Variants in ZNF671 observed in about 807,000 individuals in gnomAD.
ZNF671 encodes hypothetical protein FLJ23506.
ZNF671 carries 19 observed loss-of-function variants against 16.6 expected under a neutral mutation model. The observed-to-expected ratio is 1.14, with a 90% CI of 0.80 to 1.68. The LOEUF is 1.68. Among genes scored for constraint, ZNF671 ranks in the 40% most tolerant of loss-of-function variants. The probability of loss-of-function intolerance (pLI) is 0.00; values close to 1 mark genes in which losing one functional copy is unlikely to be tolerated. For synonymous variants in ZNF671, 238 were observed against 236.3 expected, an observed-to-expected ratio of 1.01 and a Z score of -0.06; for missense variants, 637 against 659.8, an observed-to-expected ratio of 0.97 and a Z score of 0.38.
Position 57,721,440 on chromosome 19 carries a change from C to G in ZNF671, c.646G>C (p.Gly216Arg), listed in dbSNP as rs2122456036. 1 of 1,614,196 alleles carries G rather than the reference C, an allele frequency of 6.2e-7. No homozygotes were observed. Among genetic ancestry groups the G allele is most frequent in the East Asian group, 2.2e-5 (1 of 44,882 alleles). ...TCCTTCCTTGGGAAAAGTTTCCCTC[C>G]ATTGGGCTGGTTCTGGTGCTGGTCA... is the stretch of plus-strand genomic sequence containing the variant. ...DFDQHQNQPN[G>R]GKLFPRKEGR... Residue 216 changes from glycine (G) to arginine (R), a missense_variant, in exon 4 of 4, where the codon GGA becomes CGA. Gly to Arg is a moderately radical substitution (Grantham distance 125, BLOSUM62 -2). Transcript: ENST00000317398.
chr19:57,721,358 C>T lies in ZNF671; in HGVS notation c.728G>A (p.Cys243Tyr), dbSNP rs566693292. 1.9e-5 allele frequency: 31 copies of T among 1,612,730 alleles called. No homozygotes were observed. The South Asian group carries it at 2.5e-4, about 13-fold the overall frequency. Residue 243 changes from cysteine (C) to tyrosine (Y), a missense_variant, in exon 4 of 4, where the codon TGT becomes TAT. Physicochemically the swap from Cys to Tyr is radical, Grantham distance 194 (BLOSUM62 -2). Coordinates refer to ENST00000317398, the MANE Select transcript of ZNF671 (RefSeq NM_024833.3). ...RVHVPEKTLT[C>Y]GKGRRDFSAT... Reference sequence around the variant, plus strand: ...TGAAAAGTCTCTCCTACCTTTCCCACATGTGAGGGTCTTCTCTGGCACATG... The same window carrying T: ...TGAAAAGTCTCTCCTACCTTTCCCATATGTGAGGGTCTTCTCTGGCACATG...
In ZNF671 at chr19:57,721,024, G is replaced by A. The variant is rs377518791; in HGVS notation, c.1062C>T (p.Ser354=). Residue 354 remains serine (S), a synonymous_variant, in exon 4 of 4, where the codon TCC becomes TCT. Transcript: ENST00000317398. The stretch of plus-strand genomic sequence containing the variant: ...GAACTCGCCTGTGCTCAATCAGGCC[G>A]GAGATTTGTCTAAAGAATTTCCCAC... The part of the protein sequence containing the change: ...SECGKFFRQI[S]GLIEHRRVHT... 4.3e-4 allele frequency: 691 copies of A among 1,614,120 alleles called. 1 individual carries two copies. The highest frequency in any genetic ancestry group is 4.8e-4 in the Non-Finnish European group (566 of 1,179,998).
chr19:57,725,584 C>T (rs985149257), intron 1 of ZNF671, among the ~76,000 whole-genome samples: 9 of 151,500 alleles, frequency 5.9e-5, no homozygotes, highest in South Asian at 2.1e-4. Context: ...GCCGAGATCG[C>T]GCCACTGCAC....
At chr19:57,724,849 TC>T (rs1226174385) in intron 1 of ZNF671, among the ~76,000 whole-genome samples, 1 of 152,098 alleles carries the variant, frequency 6.6e-6, no homozygotes, top group Non-Finnish European at 1.5e-5. Flanking sequence ...GACACAGATC[TC>T]TAACTAACTT....
intron 1 of ZNF671, 48 bp downstream of exon 1, chr19:57,727,343 C>T: frequency 6.4e-7 from 1 of 1,551,794 alleles, no homozygotes; most frequent in Non-Finnish European, 8.8e-7. Flanking sequence ...CTTTACGATT[C>T]GGAGTCGGAG....
In ZNF671 at chr19:57,727,581, A is replaced by T; in HGVS notation, c.-53T>A. On this transcript the variant is annotated 5_prime_UTR_variant, in exon 1 of 4. Transcript: ENST00000317398. ...CCTGCGGCCCACACAAGCGTTACAG[A>T]ACCCCGGCCAGGGACAGCCTGACAG... The T allele has an allele frequency of 6.4e-7, 1 of 1,560,728 alleles. No individual in the cohort carries two copies. Among genetic ancestry groups the T allele is most frequent in the Non-Finnish European group, 8.7e-7 (1 of 1,145,954 alleles).
intron 1 of ZNF671, among the ~76,000 whole-genome samples, chr19:57,726,642 C>T (rs1231190153): frequency 6.6e-6 from 1 of 152,056 alleles, no homozygotes; most frequent in Non-Finnish European, 1.5e-5. Context: ...TACTCCAGAC[C>T]GCTCCCTTCA....
intron 1 of ZNF671, among the ~76,000 whole-genome samples, chr19:57,725,169 G>A (rs921795210): frequency 2.8e-5 from 4 of 143,778 alleles, no homozygotes; most frequent in African/African-American, 1.0e-4. Context: ...TTTTTTTTTT[G>A]AAATGGGGTC....
At position 57,720,334 on chromosome 19, in the gene ZNF671, G is replaced by A. The variant is rs117201234; in HGVS notation, c.*147C>T. On this transcript the variant is annotated 3_prime_UTR_variant, in exon 4 of 4. Transcript: ENST00000317398. ...GCTTAGACTGCTAAGGCCTGTGTCCGGTGTGAAATTCCCAATGGCGGGTAA... is the reference window on the plus strand; with the variant it reads ...GCTTAGACTGCTAAGGCCTGTGTCCAGTGTGAAATTCCCAATGGCGGGTAA... 0.019 allele frequency: 21,338 copies of A among 1,102,674 alleles called. 304 individuals are homozygous for A. The highest frequency in any genetic ancestry group is 0.057 in the Middle Eastern group (254 of 4,480). The allele number at this position is 1,102,674 out of a possible 1,614,324, so 68.3% of individuals were successfully genotyped here. A position where few individuals can be genotyped will look rare whatever the true frequency, so the allele number is the denominator to read the frequency against.
intron 2 of ZNF671, among the ~76,000 whole-genome samples, chr19:57,722,787 C>T (rs1409150434): frequency 6.6e-6 from 1 of 151,948 alleles, no homozygotes; most frequent in Non-Finnish European, 1.5e-5. Flanking sequence ...CCCAACTATT[C>T]AGGAGGCTGA....
rs1307296770 is a variant in ZNF671, at chr19:57,721,079, G to A, written c.1007C>T (p.Thr336Ile). ...GCTGCACTCGTATGGCCTTTCTCCA[G>A]TGTGAACTGTCTGGTGTTTAAAGAG... The part of the protein sequence containing the change: ...YDLFKHQTVH[T>I]GERPYECSEC... The change falls in exon 4 of 4, where the codon ACT becomes ATT. Residue 336 changes from threonine (T) to isoleucine (I), a missense_variant. Physicochemically the swap from Thr to Ile is moderately conservative, Grantham distance 89. Transcript: ENST00000317398. The A allele has an allele frequency of 6.2e-7, 1 of 1,614,162 alleles. No individual in the cohort carries two copies.
In ZNF671 at chr19:57,723,239, C is replaced by A; in HGVS notation, c.240G>T (p.Glu80Asp). The A allele has an allele frequency of 6.2e-7, 1 of 1,613,186 alleles. No individual in the cohort carries two copies. The highest frequency in any genetic ancestry group is 8.5e-7 in the Non-Finnish European group (1 of 1,179,474). The change falls in exon 2 of 4, where the codon GAG becomes GAT. Residue 80 changes from glutamate to aspartate, a missense_variant. By Grantham distance (45) the Glu-to-Asp change is conservative (BLOSUM62 2). Transcript: ENST00000317398. ...QRLLYHDVMLENFALLASLGI... is the reference protein window; with the variant it reads ...QRLLYHDVMLDNFALLASLGI... ...CCAGTGAGGCTAAAAGTGCAAAGTTCTCCAGCATCACATCATGGTACAAAA... is the reference window on the plus strand; with the variant it reads ...CCAGTGAGGCTAAAAGTGCAAAGTTATCCAGCATCACATCATGGTACAAAA...
At chr19:57,722,139 G>C (rs2122458348) in intron 3 of ZNF671, 177 bp downstream of exon 3, 3 of 1,016,226 alleles carry the variant, frequency 3.0e-6, no homozygotes, top group Non-Finnish European at 2.8e-6. Context: ...GGCCAGAGGT[G>C]AGGGTGGCAA....
chr19:57,723,539 C>T (rs1031554923), intron 1 of ZNF671, among the ~76,000 whole-genome samples, 199 bp from the exon 2 acceptor site: 2 of 152,146 alleles, frequency 1.3e-5, no homozygotes, highest in Non-Finnish European at 2.9e-5. Context: ...GACAGGCTGA[C>T]AGATAAATGC....
In ZNF671 at chr19:57,721,055, C is replaced by T. The variant is rs775425579; in HGVS notation, c.1031G>A (p.Ser344Asn). The change falls in exon 4 of 4, where the codon AGC (serine) becomes AAC (asparagine). Residue 344 changes from serine (S) to asparagine (N), a missense_variant. By Grantham distance (46) the Ser-to-Asn change is conservative (BLOSUM62 1). Coordinates refer to ENST00000317398, the MANE Select transcript of ZNF671 (RefSeq NM_024833.3). ...VHTGERPYEC[S>N]ECGKFFRQIS... ...TTGTCTAAAGAATTTCCCACATTCG[C>T]TGCACTCGTATGGCCTTTCTCCAGT... 1.3e-4 allele frequency: 209 copies of T among 1,614,154 alleles called. No individual in the cohort carries two copies. The highest frequency in any genetic ancestry group is 1.6e-4 in the Non-Finnish European group (190 of 1,179,988).
intron 1 of ZNF671, among the ~76,000 whole-genome samples, chr19:57,725,227 G>T (rs149655609): frequency 2.0e-5 from 3 of 151,858 alleles, no homozygotes; most frequent in Non-Finnish European, 4.4e-5. Context: ...ACTTTGGGAG[G>T]CCGAGGCGGG....
chr19:57,726,552 C>G (rs573676182), intron 1 of ZNF671, among the ~76,000 whole-genome samples: 40 of 152,182 alleles, frequency 2.6e-4, no homozygotes, highest in African/African-American at 9.1e-4. Flanking sequence ...GCAGTCCCAG[C>G]CTTCTCATCT....
intron 1 of ZNF671, among the ~76,000 whole-genome samples, chr19:57,723,880 A>T (rs1327805460): frequency 1.3e-5 from 2 of 151,486 alleles, no homozygotes; most frequent in Admixed American, 1.3e-4. Flanking sequence ...AAAAAAAAAA[A>T]AAAAAATACA....
intron 1 of ZNF671, among the ~76,000 whole-genome samples, chr19:57,723,812 C>T (rs983018156): frequency 1.4e-5 from 2 of 146,716 alleles, no homozygotes; most frequent in Non-Finnish European, 3.0e-5. Flanking sequence ...AGGCAGATCA[C>T]GAGGTCAAGA....
Sources: allele counts gnomAD v4.1 joint callset (sites outside exome capture counted in the v4.1 genomes callset), GRCh38; gene constraint gnomAD v4.1.1; transcripts MANE v1.5; gene names NCBI Gene and HGNC (gene_info 2026-07-23, HGNC 2026-07-21).